Variants in MDGA2 observed in about 807,000 individuals in gnomAD.
The protein encoded by MDGA2 is MAM domain-containing glycosylphosphatidylinositol anchor protein 2.
MDGA2 carries 40 observed loss-of-function variants against 117.8 expected under a neutral mutation model. The observed-to-expected ratio is 0.34, with a 90% CI of 0.26 to 0.44. The LOEUF (loss-of-function observed/expected upper bound fraction) is 0.44, where lower values mean the gene tolerates loss of function less well. Ranked by LOEUF, MDGA2 falls within the 20% of genes least tolerant of loss-of-function variation. The probability of loss-of-function intolerance (pLI) is 1.00; values close to 1 mark genes in which losing one functional copy is unlikely to be tolerated. For synonymous variants in MDGA2, 452 were observed against 439.0 expected (o/e 1.03, Z -0.37); for missense variants, 1,123 against 1,250.6 (o/e 0.90, Z 1.54).
At chr14:47,537,574 T>TAAAAAAA (rs58060138) in intron 1 of MDGA2, among the ~76,000 whole-genome samples, 24 of 36,596 alleles carry the variant, frequency 6.6e-4, no homozygotes, top group Non-Finnish European at 1.0e-3. Flanking sequence ...TTCTCTCTGT[T>TAAAAAAA]AAAAAAAAAA....
At position 47,618,441 on chromosome 14, in the gene MDGA2, A is replaced by G. The variant is rs543998244; in HGVS notation, c.280+56076T>C. ...GTCCATCAAGTCTGTGTGGATGTCT[A>G]TCTGGATGTTTCAATCATCCCCTAC... On this transcript the variant is annotated intron_variant, in intron 1 of 16. Coordinates refer to ENST00000399232, the MANE Select transcript of MDGA2 (RefSeq NM_001113498.3). 1.6e-4 allele frequency among the ~76,000 whole-genome samples: 24 copies of G among 152,222 alleles called. 1 individual carries two copies. The highest frequency in any genetic ancestry group is 4.8e-4 in the African/African-American group (20 of 41,530).
intron 1 of MDGA2, among the ~76,000 whole-genome samples, chr14:47,646,817 G>A (rs1897543951): frequency 6.6e-6 from 1 of 152,168 alleles, no homozygotes; most frequent in African/African-American, 2.4e-5. Context: ...AAATGAAATT[G>A]TTTGTGAATC....
chr14:47,262,869 C>T (rs1227805865), intron 2 of MDGA2, among the ~76,000 whole-genome samples: 2 of 152,046 alleles, frequency 1.3e-5, no homozygotes, highest in Non-Finnish European at 2.9e-5. Flanking sequence ...AGCTTTCTAA[C>T]AAGGAAAAAA....
At chr14:47,462,245 G>A (rs1465656705) in intron 1 of MDGA2, among the ~76,000 whole-genome samples, 1 of 149,632 alleles carries the variant, frequency 6.7e-6, no homozygotes, top group South Asian at 2.2e-4. Context: ...GCGTGGTGGC[G>A]GGCGCCTGTA....
intron 2 of MDGA2, among the ~76,000 whole-genome samples, chr14:47,244,214 A>C (rs943257115): frequency 2.6e-5 from 4 of 151,894 alleles, no homozygotes; most frequent in African/African-American, 9.7e-5. Flanking sequence ...TTGGCTTAAC[A>C]AATGAATAAT....
intron 2 of MDGA2, among the ~76,000 whole-genome samples, chr14:47,277,378 T>C (rs538527652): frequency 6.6e-6 from 1 of 152,332 alleles, no homozygotes; most frequent in East Asian, 1.9e-4. Context: ...GCTTAAATAA[T>C]TAATTGCACA....
At chr14:47,651,096 A>G (rs1255448695) in intron 1 of MDGA2, among the ~76,000 whole-genome samples, 1 of 152,112 alleles carries the variant, frequency 6.6e-6, no homozygotes, top group Non-Finnish European at 1.5e-5. Context: ...CTTAACTGTC[A>G]TTTATGTTAA....
chr14:47,510,638 G>C (rs1000512715), intron 1 of MDGA2, among the ~76,000 whole-genome samples: 1 of 152,114 alleles, frequency 6.6e-6, no homozygotes, highest in Non-Finnish European at 1.5e-5. Flanking sequence ...TCCTGAAATG[G>C]AAGACTGATA....
At position 47,064,496 on chromosome 14, in the gene MDGA2, G is replaced by A. The variant is rs546686731; in HGVS notation, c.1196-2918C>T. ...CTCATATATAGTAACAGAGGACAGA[G>A]AAATTTTGTTTTCTTACTTAGCTCA... On this transcript the variant is annotated intron_variant, in intron 6 of 16. Coordinates refer to ENST00000399232, the MANE Select transcript of MDGA2 (RefSeq NM_001113498.3). Among the ~76,000 whole-genome samples the A allele has an allele frequency of 1.1e-4, 16 of 152,176 alleles. No homozygotes were observed. The East Asian group carries it at 2.9e-3, about 28-fold the overall frequency.
chr14:47,233,831 G>A (rs1458276134), intron 2 of MDGA2, among the ~76,000 whole-genome samples: 3 of 151,970 alleles, frequency 2.0e-5, no homozygotes, highest in African/African-American at 7.3e-5. Flanking sequence ...CCCACCACAA[G>A]GACTGGGGAG....
chr14:47,058,949 T>A (rs552185987), intron 7 of MDGA2: 1 of 966,848 alleles, frequency 1.0e-6, no homozygotes, highest in African/African-American at 1.8e-5. Flanking sequence ...ACAAGGGGCA[T>A]GCATTTTTAT....
At chr14:47,223,317 A>G (rs1030300030) in intron 2 of MDGA2, among the ~76,000 whole-genome samples, 3 of 152,190 alleles carry the variant, frequency 2.0e-5, no homozygotes, top group East Asian at 1.9e-4. Context: ...CCCTCTACAT[A>G]TTAAGGAATG....
intron 3 of MDGA2, among the ~76,000 whole-genome samples, chr14:47,175,246 G>T (rs796070743): frequency 1.3e-5 from 2 of 150,466 alleles, no homozygotes; most frequent in South Asian, 2.1e-4. Context: ...ACCATTCCTT[G>T]TGAAACTATT....
rs906370194 is a variant in MDGA2, at chr14:47,138,764, G to T, written c.792+5314C>A. ...GTCTGTCAATTTAGATTCATTTTATGAAGCTCTAATGACTAATTTATTACA... is the reference window on the plus strand; with the variant it reads ...GTCTGTCAATTTAGATTCATTTTATTAAGCTCTAATGACTAATTTATTACA... On this transcript the variant is annotated intron_variant, in intron 4 of 16. Transcript: ENST00000399232. 9.2e-5 allele frequency among the ~76,000 whole-genome samples: 14 copies of T among 152,122 alleles called. No homozygotes were observed. The East Asian group carries it at 1.9e-3, about 21-fold the overall frequency.
chr14:47,349,103 CAG>C (rs1890823705), intron 1 of MDGA2, among the ~76,000 whole-genome samples: 2 of 152,230 alleles, frequency 1.3e-5, no homozygotes, highest in South Asian at 2.1e-4. Context: ...GCAACTGTAA[CAG>C]AGAGACAAAA....
At chr14:47,445,006 A>C (rs1339166607) in intron 1 of MDGA2, among the ~76,000 whole-genome samples, 1 of 152,176 alleles carries the variant, frequency 6.6e-6, no homozygotes, top group Non-Finnish European at 1.5e-5. Flanking sequence ...TCAGAGATTA[A>C]GACTTTATCA....
intron 1 of MDGA2, among the ~76,000 whole-genome samples, chr14:47,639,295 T>C (rs928759858): frequency 5.3e-5 from 8 of 152,192 alleles, no homozygotes; most frequent in Non-Finnish European, 1.2e-4. Flanking sequence ...GATTAAAACT[T>C]TGATGAAGAA....
At chr14:47,280,128 A>G (rs1888429546) in intron 2 of MDGA2, among the ~76,000 whole-genome samples, 2 of 151,890 alleles carry the variant, frequency 1.3e-5, no homozygotes, top group African/African-American at 4.8e-5. Flanking sequence ...TAGCCTGACC[A>G]ACATGGAGAA....
chr14:47,098,054 T>G (rs1880079225), intron 5 of MDGA2, among the ~76,000 whole-genome samples: 1 of 151,772 alleles, frequency 6.6e-6, no homozygotes, highest in Non-Finnish European at 1.5e-5. Context: ...AGAAATACAT[T>G]ATAATGACAT....
Sources: gnomAD v4.1 joint callset for allele counts (sites outside exome capture counted in the v4.1 genomes callset) on GRCh38, gnomAD v4.1.1 for gene constraint, MANE v1.5 for transcripts, NCBI Gene and HGNC (gene_info 2026-07-23, HGNC 2026-07-21) for gene names.